The following PRKG1 variants were observed in gnomAD, a reference collection of about 807,000 sequenced individuals.
PRKG1 encodes the protein protein kinase cGMP-dependent 1.
Under a neutral mutation model 88.1 loss-of-function variants are expected in PRKG1, and 35 were observed. The observed-to-expected ratio is 0.40, with a 90% CI of 0.30 to 0.53. PRKG1 has a LOEUF of 0.53. Ranked by LOEUF, PRKG1 falls within the 20% of genes least tolerant of loss-of-function variation. The pLI, the probability that PRKG1 is intolerant of heterozygous loss-of-function variation, is 0.59. For synonymous variants in PRKG1, 303 were observed against 292.5 expected (o/e 1.04, Z -0.37); for missense variants, 540 against 839.8 (o/e 0.64, Z 4.41).
intron 3 of PRKG1, among the ~76,000 whole-genome samples, chr10:51,802,057 G>A (rs557566311): frequency 6.6e-6 from 1 of 152,240 alleles, no homozygotes; most frequent in South Asian, 2.1e-4. Flanking sequence ...AAGATCAAAG[G>A]TGAATGAAGA....
intron 3 of PRKG1, among the ~76,000 whole-genome samples, chr10:51,667,716 A>G (rs1419942650): frequency 6.6e-6 from 1 of 152,022 alleles, no homozygotes; most frequent in Non-Finnish European, 1.5e-5. Context: ...ATTTATTAAG[A>G]TTTATTTGTC....
chr10:51,093,581 T>C (rs1024962657), intron 1 of PRKG1, among the ~76,000 whole-genome samples: 3 of 151,732 alleles, frequency 2.0e-5, no homozygotes, highest in Admixed American at 2.0e-4. Context: ...TCTAATATTC[T>C]TTTGGTTTTT....
chr10:51,452,349 G>T (rs1453077377), intron 2 of PRKG1, among the ~76,000 whole-genome samples: 2 of 151,850 alleles, frequency 1.3e-5, no homozygotes, highest in Non-Finnish European at 2.9e-5. Flanking sequence ...TAGTACAAGT[G>T]GGGATCCTTG....
At chr10:51,468,864 CAT>C (rs1013124853) in intron 3 of PRKG1, among the ~76,000 whole-genome samples, 14 of 151,116 alleles carry the variant, frequency 9.3e-5, no homozygotes, top group African/African-American at 3.1e-4. Context: ...TTAAAAAAAA[CAT>C]AAGAATGCAC....
chr10:51,820,003 A>G (rs953156502), intron 4 of PRKG1, among the ~76,000 whole-genome samples: 8 of 152,172 alleles, frequency 5.3e-5, no homozygotes, highest in African/African-American at 1.7e-4. Context: ...TTTAAAAAAG[A>G]TTTTAAAAAT....
At chr10:51,740,337 G>A (rs1837400638) in intron 3 of PRKG1, among the ~76,000 whole-genome samples, 1 of 152,180 alleles carries the variant, frequency 6.6e-6, no homozygotes, top group Non-Finnish European at 1.5e-5. Flanking sequence ...CCCCCACACA[G>A]CTTTTAATGT....
chr10:51,254,530 G>A (rs963660851), intron 2 of PRKG1, among the ~76,000 whole-genome samples: 1 of 151,950 alleles, frequency 6.6e-6, no homozygotes, highest in African/African-American at 2.4e-5. Flanking sequence ...TGTAATCACA[G>A]ACTAGTAAAA....
At chr10:52,162,171 G>A (rs1223622853) in intron 9 of PRKG1, among the ~76,000 whole-genome samples, 2 of 152,154 alleles carry the variant, frequency 1.3e-5, no homozygotes, top group East Asian at 3.9e-4. Flanking sequence ...CTTCAATTTT[G>A]TGATGAAGAT....
intron 8 of PRKG1, among the ~76,000 whole-genome samples, chr10:52,153,404 A>G (rs1359771934): frequency 6.6e-6 from 1 of 152,240 alleles, no homozygotes; most frequent in Non-Finnish European, 1.5e-5. Flanking sequence ...TGGCTATTAT[A>G]CTTGTCTACC....
At chr10:51,125,898 T>C (rs1448447474) in intron 1 of PRKG1, among the ~76,000 whole-genome samples, 1 of 136,868 alleles carries the variant, frequency 7.3e-6, no homozygotes. Flanking sequence ...TTTATAATTA[T>C]AAAAAGTGTG....
At chr10:51,392,640 T>A (rs1472447981) in intron 2 of PRKG1, among the ~76,000 whole-genome samples, 1 of 151,578 alleles carries the variant, frequency 6.6e-6, no homozygotes, top group Non-Finnish European at 1.5e-5. Context: ...CTCAATGAGC[T>A]GTTGGGTACA....
chr10:51,608,384 G>T (rs1042950880), intron 3 of PRKG1, among the ~76,000 whole-genome samples: 1 of 152,122 alleles, frequency 6.6e-6, no homozygotes, highest in Admixed American at 6.5e-5. Context: ...ATTATTGATT[G>T]TTCAAAGAGT....
chr10:51,566,260 G>A (rs1232690546), intron 3 of PRKG1, among the ~76,000 whole-genome samples: 1 of 152,004 alleles, frequency 6.6e-6, no homozygotes, highest in Non-Finnish European at 1.5e-5. Context: ...AGACTACCTG[G>A]CTCAGTTTCT....
At chr10:51,040,314 T>C (rs1313241406) in intron 1 of PRKG1, among the ~76,000 whole-genome samples, 3 of 92,992 alleles carry the variant, frequency 3.2e-5, no homozygotes, top group Admixed American at 1.1e-4. Flanking sequence ...TTTTTCTCTT[T>C]TTTTTTTTTT....
At chr10:51,110,667 G>T (rs563508968) in intron 1 of PRKG1, among the ~76,000 whole-genome samples, 2 of 151,822 alleles carry the variant, frequency 1.3e-5, no homozygotes, top group Non-Finnish European at 2.9e-5. Flanking sequence ...TATATATTTT[G>T]TATATTATAT....
chr10:51,480,667 TA>T (rs1840328906), intron 3 of PRKG1, among the ~76,000 whole-genome samples: 1 of 152,190 alleles, frequency 6.6e-6, no homozygotes. Context: ...TACTGGTATT[TA>T]AAACCTTATA....
intron 3 of PRKG1, among the ~76,000 whole-genome samples, chr10:51,762,285 G>A (rs192739093): frequency 6.9e-4 from 105 of 152,228 alleles, no homozygotes; most frequent in African/African-American, 2.3e-3. Context: ...GGAGATCTGT[G>A]CATTTCTGCT....
intron 1 of PRKG1, among the ~76,000 whole-genome samples, chr10:51,115,619 C>A (rs2131905164): frequency 6.6e-6 from 1 of 151,218 alleles, no homozygotes; most frequent in East Asian, 2.0e-4. Flanking sequence ...GCGGGAGGAT[C>A]ACGAGGTCAA....
At chr10:51,810,794 G>A (rs1227030344) in intron 4 of PRKG1, among the ~76,000 whole-genome samples, 2 of 152,180 alleles carry the variant, frequency 1.3e-5, no homozygotes, top group South Asian at 4.2e-4. Flanking sequence ...TTTATGTTGA[G>A]ATCACCCCTT....
Sources: allele counts gnomAD v4.1 joint callset (sites outside exome capture counted in the v4.1 genomes callset), GRCh38; gene constraint gnomAD v4.1.1; transcripts MANE v1.5; gene names NCBI Gene and HGNC (gene_info 2026-07-23, HGNC 2026-07-21).